IL2RA: variants seen among roughly 807,000 people sequenced by gnomAD.
IL2RA encodes interleukin 2 receptor subunit alpha.
IL2RA carries 24 observed loss-of-function variants against 37.8 expected under a neutral mutation model. The observed-to-expected ratio is 0.63, with a 90% CI of 0.46 to 0.89. IL2RA has a LOEUF of 0.89. Among genes scored for constraint, IL2RA ranks in the 40% least tolerant of loss-of-function variants. IL2RA has a pLI of 0.00. For missense variants in IL2RA, 319 were observed against 348.6 expected, an observed-to-expected ratio of 0.92 and a Z score of 0.68; for synonymous variants, 125 against 114.6, an observed-to-expected ratio of 1.09 and a Z score of -0.58.
Position 6,015,230 on chromosome 10 carries a change from T to C in IL2RA, c.795-2334A>G, listed in dbSNP as rs927402936. Among the ~76,000 whole-genome samples, 6 of 151,846 alleles carry C rather than the reference T, an allele frequency of 4.0e-5. No individual in the cohort carries two copies. The highest frequency in any genetic ancestry group is 7.3e-5 in the African/African-American group (3 of 41,326). ...GCATCAGCCTCCCGAGTAGCTAAGA[T>C]TATAGGTGCGCACCATGACAGCCAG... On this transcript the variant is annotated intron_variant, in intron 7 of 7. Coordinates refer to ENST00000379959, the MANE Select transcript of IL2RA (RefSeq NM_000417.3). This position sits in a 1 kb window ranked among gnomAD's most constrained non-coding sequence, Gnocchi z 4.9.
At chr10:6,053,542 A>G (rs1040094416) in intron 1 of IL2RA, among the ~76,000 whole-genome samples, 17 of 152,216 alleles carry the variant, frequency 1.1e-4, no homozygotes, top group African/African-American at 3.9e-4. Context: ...TTCCTAGTCT[A>G]TAGCTTTGCT....
At chr10:6,043,405 A>G (rs1464063284) in intron 1 of IL2RA, among the ~76,000 whole-genome samples, 1 of 152,100 alleles carries the variant, frequency 6.6e-6, no homozygotes, top group East Asian at 1.9e-4. Flanking sequence ...GCTCCACTGT[A>G]TCTACAGCAT....
chr10:6,047,438 C>T lies in IL2RA; in HGVS notation c.64+14650G>A, dbSNP rs930111216. Among the ~76,000 whole-genome samples the T allele has an allele frequency of 6.6e-6, 1 of 152,324 alleles. No individual in the cohort carries two copies. On this transcript the variant is annotated intron_variant, in intron 1 of 7. Transcript: ENST00000379959. The surrounding 1 kb of genome is among the most constrained non-coding windows in gnomAD (Gnocchi z 5.0). ...GGAGTCAGCCTGCTCCAAAGCTCTTCCTGCCTGTAGCATGCACCCTGTGCC... is the reference window on the plus strand; with the variant it reads ...GGAGTCAGCCTGCTCCAAAGCTCTTTCTGCCTGTAGCATGCACCCTGTGCC...
At chr10:6,039,948 G>A (rs545694189) in intron 1 of IL2RA, among the ~76,000 whole-genome samples, 1 of 152,294 alleles carries the variant, frequency 6.6e-6, no homozygotes, top group Admixed American at 6.5e-5. Flanking sequence ...AAGGTGGGTG[G>A]GAGTTCAACT....
At position 6,036,859 on chromosome 10, in the gene IL2RA, C is replaced by A. The variant is rs759891989; in HGVS notation, c.65-10834G>T. Among the ~76,000 whole-genome samples the A allele has an allele frequency of 9.9e-5, 15 of 152,148 alleles. No individual in the cohort carries two copies. Among genetic ancestry groups the A allele is most frequent in the Non-Finnish European group, 2.1e-4 (14 of 68,032 alleles). On this transcript the variant is annotated intron_variant, in intron 1 of 7. Coordinates refer to ENST00000379959, the MANE Select transcript of IL2RA (RefSeq NM_000417.3). The surrounding 1 kb of genome is among the most constrained non-coding windows in gnomAD (Gnocchi z 6.1). ...GTTGGCTGCTCTAGAGCCGGCAGGACGGATGCTGAGGTTGTTCGCAGCAGC... is the reference window on the plus strand; with the variant it reads ...GTTGGCTGCTCTAGAGCCGGCAGGAAGGATGCTGAGGTTGTTCGCAGCAGC...
Position 6,011,997 on chromosome 10 carries a change from T to G in IL2RA, c.*875A>C, listed in dbSNP as rs1317063851. 1 of 152,410 alleles carries G rather than the reference T, an allele frequency of 6.6e-6. No homozygotes were observed. 9.4% of individuals were successfully genotyped at this position (152,410 alleles called of 1,614,324 possible). ...TTCTCAGGAAACGTACGCATTGATT[T>G]GCACCTTGTGTGTCCACCTGTAAAC... is the stretch of plus-strand genomic sequence containing the variant. On this transcript the variant is annotated 3_prime_UTR_variant, in exon 8 of 8. Transcript: ENST00000379959. This position sits in a 1 kb window ranked among gnomAD's most constrained non-coding sequence, Gnocchi z 5.2.
chr10:6,025,787 T>C lies in IL2RA; in HGVS notation c.256+47A>G, dbSNP rs1166880243. 2 of 1,581,728 alleles carry C rather than the reference T, an allele frequency of 1.3e-6. No homozygotes were observed. The highest frequency in any genetic ancestry group is 1.7e-6 in the Non-Finnish European group (2 of 1,150,876). ...ACAAAAGCTGGGCTCTGTCTCACTC[T>C]TTGCTGCAGTTCTTTTGTTCTTGGT... On this transcript the variant is annotated intron_variant, in intron 2 of 7. Coordinates refer to ENST00000379959, the MANE Select transcript of IL2RA (RefSeq NM_000417.3). The surrounding 1 kb of genome is among the most constrained non-coding windows in gnomAD (Gnocchi z 4.4).
At position 6,055,833 on chromosome 10, in the gene IL2RA, G is replaced by A. The variant is rs542885654; in HGVS notation, c.64+6255C>T. On this transcript the variant is annotated intron_variant, in intron 1 of 7. Transcript: ENST00000379959. ...ACGGGGCGGCTGGCCGGGCGGGGGG[G>A]CCGACTCCCCCCACCTCCCTCCCGG... is the stretch of plus-strand genomic sequence containing the variant. Among the ~76,000 whole-genome samples, 11 of 85,646 alleles carry A rather than the reference G, an allele frequency of 1.3e-4. 5 individuals carry two copies. In the South Asian group the frequency reaches 4.6e-3, roughly 36 times the overall value. The allele number at this position is 85,646 out of a possible 152,430, so 56.2% of individuals were successfully genotyped here.
At chr10:6,023,255 G>T (rs1486060463) in intron 3 of IL2RA, among the ~76,000 whole-genome samples, 2 of 152,190 alleles carry the variant, frequency 1.3e-5, no homozygotes, top group Non-Finnish European at 1.5e-5. Flanking sequence ...TCAGCAAAGG[G>T]CTCTGAAGTC....
In IL2RA at chr10:6,028,082, G is replaced by A. The variant is rs761096848; in HGVS notation, c.65-2057C>T. The stretch of plus-strand genomic sequence containing the variant: ...CTCAGGGCTACATGATTTTGGAGGA[G>A]GGAAACACGTGAGAGGCGCCCACAG... On this transcript the variant is annotated intron_variant, in intron 1 of 7. Coordinates refer to ENST00000379959, the MANE Select transcript of IL2RA (RefSeq NM_000417.3). This position sits in a 1 kb window ranked among gnomAD's most constrained non-coding sequence, Gnocchi z 4.1. Among the ~76,000 whole-genome samples the A allele has an allele frequency of 3.3e-5, 5 of 152,140 alleles. No homozygotes were observed. Among genetic ancestry groups the A allele is most frequent in the Non-Finnish European group, 5.9e-5 (4 of 68,034 alleles).
intron 1 of IL2RA, among the ~76,000 whole-genome samples, chr10:6,026,242 C>T (rs375600954): frequency 2.0e-5 from 3 of 152,266 alleles, no homozygotes; most frequent in East Asian, 3.9e-4. Context: ...AGCTCCTCTC[C>T]AAAGCACAAT....
Position 6,014,420 on chromosome 10 carries a change from T to C in IL2RA, c.795-1524A>G, listed in dbSNP as rs1034821410. On this transcript the variant is annotated intron_variant, in intron 7 of 7. Transcript: ENST00000379959. This position sits in a 1 kb window ranked among gnomAD's most constrained non-coding sequence, Gnocchi z 4.4. ...TAGAGGGGTCATTTCTAGATGTATG[T>C]TTGAGTCTCCCCAAAGATTGTAGTT... Among the ~76,000 whole-genome samples the C allele has an allele frequency of 6.6e-6, 1 of 152,176 alleles. No homozygotes were observed. Among genetic ancestry groups the C allele is most frequent in the African/African-American group, 2.4e-5 (1 of 41,438 alleles).
At position 6,010,861 on chromosome 10, in the gene IL2RA, A is replaced by T. The variant is rs1168274480; in HGVS notation, c.*2011T>A. The T allele has an allele frequency of 6.6e-6, 1 of 152,290 alleles. No homozygotes were observed. Among genetic ancestry groups the T allele is most frequent in the Non-Finnish European group, 1.5e-5 (1 of 68,024 alleles). The allele number at this position is 152,290 out of a possible 1,614,324, so 9.4% of individuals were successfully genotyped here. On this transcript the variant is annotated 3_prime_UTR_variant, in exon 8 of 8. Transcript: ENST00000379959. ...TAACATCTTAGTATTATCATGGAAA[A>T]GTTTTGATCTTATAGACCCCTCAAC...
rs1397964811 is a variant in IL2RA, at chr10:6,020,011, GC to G, written c.584-71del. Reference sequence around the variant, plus strand: ...TCAGGGCCTCACTCCCACCCCGCCTGCCCCAGGCAGCCGGCCCCAGACACGC... The same window carrying G: ...TCAGGGCCTCACTCCCACCCCGCCTGCCCAGGCAGCCGGCCCCAGACACGC... On this transcript the variant is annotated intron_variant, in intron 4 of 7. Transcript: ENST00000379959. The surrounding 1 kb of genome is among the most constrained non-coding windows in gnomAD (Gnocchi z 5.6). The G allele has an allele frequency of 4.5e-6, 6 of 1,339,152 alleles. No individual in the cohort carries two copies. In the African/African-American group the frequency reaches 7.2e-5, roughly 16 times the overall value. The allele number at this position is 1,339,152 out of a possible 1,614,324, so 83.0% of individuals were successfully genotyped here.
intron 3 of IL2RA, 119 bp downstream of exon 3, chr10:6,024,125 G>T: frequency 1.4e-6 from 1 of 733,760 alleles, no homozygotes; most frequent in Non-Finnish European, 2.5e-6. Flanking sequence ...GGAGGACGGA[G>T]CCACATGCAT....
At chr10:6,050,195 C>A (rs1317636765) in intron 1 of IL2RA, among the ~76,000 whole-genome samples, 1 of 152,126 alleles carries the variant, frequency 6.6e-6, no homozygotes. Context: ...TCAGGGCCTG[C>A]CTAGGCAGCC....
intron 6 of IL2RA, 76 bp downstream of exon 6, chr10:6,019,352 C>T: frequency 8.8e-7 from 1 of 1,138,290 alleles, no homozygotes; most frequent in Non-Finnish European, 1.3e-6. Flanking sequence ...ACCAACTAAC[C>T]AACCTACTAA....
In IL2RA at chr10:6,048,780, T is replaced by C. The variant is rs1349177650; in HGVS notation, c.64+13308A>G. 1.3e-5 allele frequency among the ~76,000 whole-genome samples: 2 copies of C among 152,236 alleles called. No individual in the cohort carries two copies. The highest frequency in any genetic ancestry group is 2.9e-5 in the Non-Finnish European group (2 of 68,030). The stretch of plus-strand genomic sequence containing the variant: ...TGCTGTCTCTCCAAAGTACAAGCCA[T>C]GCCCTGACTGAGACCCCTCTGGGAT... On this transcript the variant is annotated intron_variant, in intron 1 of 7. Transcript: ENST00000379959. This position sits in a 1 kb window ranked among gnomAD's most constrained non-coding sequence, Gnocchi z 5.3.
intron 1 of IL2RA, among the ~76,000 whole-genome samples, chr10:6,051,817 C>CTATATATATATATATATATATATA (rs61008683): frequency 0.035 from 1,176 of 33,352 alleles, 237 homozygotes; most frequent in Non-Finnish European, 0.052. Flanking sequence ...TCATGCCCAG[C>CTATATATATATATATATATATATA]TATATATATA....
Sources: allele counts gnomAD v4.1 joint callset (sites outside exome capture counted in the v4.1 genomes callset), GRCh38; gene constraint gnomAD v4.1.1; non-coding constraint Gnocchi (gnomAD v3.1); transcripts MANE v1.5; gene names NCBI Gene and HGNC (gene_info 2026-07-23, HGNC 2026-07-21).